Variants in MTMR1 observed in about 807,000 individuals in gnomAD.
The protein encoded by MTMR1 is myotubularin related protein 1.
In MTMR1, 17 loss-of-function variants were observed where a neutral mutation model predicts 51.6. The ratio of observed to expected loss-of-function variants is 0.33; its 90% CI spans 0.23 to 0.49. The LOEUF is 0.49. Ranked by LOEUF, MTMR1 falls within the 20% of genes least tolerant of loss-of-function variation. The pLI is 0.99. For missense variants in MTMR1, 386 were observed against 526.9 expected (o/e 0.73, Z 2.62); for synonymous variants, 201 against 205.6 (o/e 0.98, Z 0.19).
chrX:150,744,358 C>T lies in MTMR1; in HGVS notation c.1474-3C>T, dbSNP rs2042519054. ...AAACGTTTAACCTTCTGTTTCTGTT[C>T]AGCGAGTGGGCCATGGTAATGACAA... is the stretch of plus-strand genomic sequence containing the variant. On this transcript the variant is annotated splice_polypyrimidine_tract_variant and splice_region_variant and intron_variant, in intron 12 of 15. Transcript: ENST00000445323. The T allele has an allele frequency of 1.7e-6, 2 of 1,203,409 alleles. No individual in the cohort carries two copies. The highest frequency in any genetic ancestry group is 4.4e-5 in the Admixed American group (2 of 45,490).
chrX:150,693,770 G>A, intron 1 of MTMR1, 94 bp downstream of exon 1: 1 of 621,133 alleles, frequency 1.6e-6, no homozygotes, highest in Non-Finnish European at 1.9e-6. Context: ...CGCTGCGCAG[G>A]GCCTGGCGGT....
At chrX:150,703,132 G>T (rs2040976601) in intron 2 of MTMR1, among the ~76,000 whole-genome samples, 1 of 112,051 alleles carries the variant, frequency 8.9e-6, no homozygotes, top group Non-Finnish European at 1.9e-5. Flanking sequence ...GTTACAAATG[G>T]AAACATTTTT....
At chrX:150,708,517 A>G (rs2041196746) in intron 2 of MTMR1, among the ~76,000 whole-genome samples, 1 of 111,525 alleles carries the variant, frequency 9.0e-6, no homozygotes, top group Admixed American at 9.5e-5. Flanking sequence ...CAACTGAAAA[A>G]TATACTAAAA....
At chrX:150,694,787 AG>A (rs1171583267) in intron 1 of MTMR1, among the ~76,000 whole-genome samples, 6 of 112,541 alleles carry the variant, frequency 5.3e-5, no homozygotes, top group Non-Finnish European at 1.1e-4. Context: ...TTCAGAGAAT[AG>A]CACAACACGG....
chrX:150,715,462 A>G (rs1199510860), intron 3 of MTMR1, among the ~76,000 whole-genome samples: 2 of 112,411 alleles, frequency 1.8e-5, no homozygotes, highest in African/African-American at 3.2e-5. Context: ...ATGAAATCAA[A>G]TTTAGTTCAT....
intron 4 of MTMR1, among the ~76,000 whole-genome samples, chrX:150,726,057 C>T (rs1479643078): frequency 8.9e-6 from 1 of 111,977 alleles, no homozygotes; most frequent in Non-Finnish European, 1.9e-5. Context: ...CGTGGATCAG[C>T]ACTGGTCCAT....
At chrX:150,716,826 C>G (rs781991095) in intron 3 of MTMR1, among the ~76,000 whole-genome samples, 28 of 112,376 alleles carry the variant, frequency 2.5e-4, no homozygotes, top group Non-Finnish European at 4.9e-4. Context: ...AAAATAATTA[C>G]TATTTTGAAT....
chrX:150,712,280 C>A, intron 2 of MTMR1, 62 bp from the exon 3 acceptor site: 1 of 1,040,949 alleles, frequency 9.6e-7, no homozygotes, highest in Non-Finnish European at 1.3e-6. Context: ...AACTTAATGG[C>A]ATCTTTCACA....
intron 10 of MTMR1, among the ~76,000 whole-genome samples, chrX:150,733,383 G>T (rs1364409414): frequency 9.0e-6 from 1 of 111,329 alleles, no homozygotes; most frequent in African/African-American, 3.3e-5. Flanking sequence ...CTGATGACAC[G>T]GCTTTAAACA....
At chrX:150,737,503 T>A in intron 12 of MTMR1, 55 bp downstream of exon 12, 1 of 1,038,870 alleles carries the variant, frequency 9.6e-7, no homozygotes, top group Non-Finnish European at 1.3e-6. Context: ...CATATGGATG[T>A]AAACGTCATG....
intron 10 of MTMR1, among the ~76,000 whole-genome samples, chrX:150,733,384 G>A (rs781999082): frequency 3.3e-4 from 37 of 111,417 alleles, no homozygotes; most frequent in Middle Eastern, 4.2e-3. Flanking sequence ...TGATGACACG[G>A]CTTTAAACAC....
chrX:150,693,332 G>A, upstream of MTMR1: 3 of 451,898 alleles, frequency 6.6e-6, no homozygotes, highest in South Asian at 1.1e-4. Context: ...CGCCCTCCCC[G>A]CCCCCGCTCC....
intron 3 of MTMR1, chrX:150,714,403 C>T (rs1557416321): frequency 2.9e-6 from 2 of 685,890 alleles, no homozygotes; most frequent in Non-Finnish European, 4.0e-6. Flanking sequence ...AAATTCTGTC[C>T]TTTCACCTGT....
At chrX:150,728,051 C>G (rs1433466148) in intron 6 of MTMR1, among the ~76,000 whole-genome samples, 3 of 111,619 alleles carry the variant, frequency 2.7e-5, no homozygotes, top group African/African-American at 9.8e-5. Context: ...CCTCAGATAC[C>G]CAAATCCATG....
At position 150,732,430 on chromosome X, in the gene MTMR1, G is replaced by A. The variant is rs1000589836; in HGVS notation, c.892-112G>A. 14 of 685,552 alleles carry A rather than the reference G, an allele frequency of 2.0e-5. No homozygotes were observed. In the Admixed American group the frequency reaches 2.7e-4, roughly 13 times the overall value. The allele number at this position is 685,552 out of a possible 1,213,427, so 56.5% of individuals were successfully genotyped here. A position where few individuals can be genotyped will look rare whatever the true frequency, so the allele number is the denominator to read the frequency against. On this transcript the variant is annotated intron_variant, in intron 9 of 15. Transcript: ENST00000445323. ...TGGCCTGCCCACTCTCACTTTTGAA[G>A]AAAATATGTATAAGAGACCGTGCTT... is the stretch of plus-strand genomic sequence containing the variant.
At chrX:150,700,646 C>T (rs2040873943) in intron 2 of MTMR1, among the ~76,000 whole-genome samples, 1 of 112,605 alleles carries the variant, frequency 8.9e-6, no homozygotes, top group Non-Finnish European at 1.9e-5. Context: ...TGAGCAGCTG[C>T]GGATCGCATC....
intron 1 of MTMR1, among the ~76,000 whole-genome samples, chrX:150,698,852 A>G (rs2040801063): frequency 9.1e-6 from 1 of 110,322 alleles, no homozygotes; most frequent in South Asian, 3.8e-4. Flanking sequence ...CCTGGGTGAC[A>G]GAGTGAGACC....
At chrX:150,708,506 A>G (rs978295452) in intron 2 of MTMR1, among the ~76,000 whole-genome samples, 10 of 111,551 alleles carry the variant, frequency 9.0e-5, no homozygotes, top group Non-Finnish European at 1.9e-4. Context: ...TAACTATTTA[A>G]CAACTGAAAA....
chrX:150,697,761 A>G (rs915012871), intron 1 of MTMR1, among the ~76,000 whole-genome samples: 25 of 112,013 alleles, frequency 2.2e-4, no homozygotes, highest in African/African-American at 7.5e-4. Context: ...TTGATGCCTC[A>G]GAGCTCTGTG....
Sources: allele counts gnomAD v4.1 joint callset (sites outside exome capture counted in the v4.1 genomes callset), GRCh38; gene constraint gnomAD v4.1.1; transcripts MANE v1.5; gene names NCBI Gene and HGNC (gene_info 2026-07-23, HGNC 2026-07-21).